The following ZFPM1 variants were observed in gnomAD, a reference collection of about 807,000 sequenced individuals.
ZFPM1 encodes zinc finger protein ZFPM1.
In ZFPM1, 28 loss-of-function variants were observed where a neutral mutation model predicts 46.3. The ratio of observed to expected loss-of-function variants is 0.60; its 90% CI spans 0.45 to 0.83. The LOEUF is 0.83. Among genes scored for constraint, ZFPM1 ranks in the 40% least tolerant of loss-of-function variants. The pLI is 0.00. For missense variants in ZFPM1, 1,878 were observed against 1,432.4 expected (o/e 1.31, Z -5.02); for synonymous variants, 957 against 675.9 (o/e 1.42, Z -6.45).
intron 1 of ZFPM1, among the ~76,000 whole-genome samples, chr16:88,475,870 G>A (rs554291714): frequency 2.0e-5 from 3 of 152,276 alleles, no homozygotes; most frequent in Non-Finnish European, 2.9e-5. Context: ...CCCCCTGGAC[G>A]GCTGCTCAGC....
intron 4 of ZFPM1, among the ~76,000 whole-genome samples, chr16:88,519,575 A>ATGG (rs1911656466): frequency 8.4e-6 from 1 of 118,556 alleles, no homozygotes; most frequent in Admixed American, 8.1e-5. Flanking sequence ...TGGATGGATG[A>ATGG]ATGGGAGGGT....
intron 1 of ZFPM1, among the ~76,000 whole-genome samples, chr16:88,477,737 T>C (rs551758260): frequency 2.6e-5 from 4 of 152,382 alleles, no homozygotes; most frequent in South Asian, 2.1e-4. Flanking sequence ...AGAATGCTTA[T>C]GGGGATGCAG....
At position 88,455,852 on chromosome 16, in the gene ZFPM1, C is replaced by T. The variant is rs930389773; in HGVS notation, c.40+2174C>T. Among the ~76,000 whole-genome samples the T allele has an allele frequency of 2.0e-5, 3 of 152,230 alleles. No homozygotes were observed. In the South Asian group the frequency reaches 6.2e-4, roughly 32 times the overall value. On this transcript the variant is annotated intron_variant, in intron 1 of 9. Coordinates refer to ENST00000319555, the MANE Select transcript of ZFPM1 (RefSeq NM_153813.3). ...CGGAGGCGATAGGCCGGGCTGCCGA[C>T]GGGGAGCGCGGGGCCGGGGCAGCTC...
chr16:88,485,691 CA>C (rs1909182229), intron 1 of ZFPM1, among the ~76,000 whole-genome samples: 1 of 152,198 alleles, frequency 6.6e-6, no homozygotes, highest in East Asian at 1.9e-4. Flanking sequence ...CCTCCCACCT[CA>C]GCCTCCCAAA....
intron 3 of ZFPM1, among the ~76,000 whole-genome samples, chr16:88,491,135 C>A (rs1909551659): frequency 6.7e-6 from 1 of 149,858 alleles, no homozygotes; most frequent in Non-Finnish European, 1.5e-5. Context: ...GTGCCTCAGG[C>A]CTTCGCTGCG....
In ZFPM1 at chr16:88,533,340, G is replaced by T. The variant is rs1224252723; in HGVS notation, c.1382G>T (p.Ser461Ile). The part of the protein sequence containing the change: ...GSSEPPAAPR[S>I]IKVEAVEEPE... ...AGCGAGCCCCCGGCGGCCCCCAGGA[G>T]CATCAAGGTGGAGGCGGTGGAGGAG... The change falls in exon 10 of 10, where the codon AGC becomes ATC. Residue 461 changes from serine (S) to isoleucine (I), a missense_variant. Physicochemically the swap from Ser to Ile is moderately radical, Grantham distance 142. Transcript: ENST00000319555. The T allele has an allele frequency of 6.5e-7, 1 of 1,532,208 alleles. No individual in the cohort carries two copies. The highest frequency in any genetic ancestry group is 8.7e-7 in the Non-Finnish European group (1 of 1,143,282). 94.9% of individuals were successfully genotyped at this position (1,532,208 alleles called of 1,614,324 possible). A position where few individuals can be genotyped will look rare whatever the true frequency, so the allele number is the denominator to read the frequency against.
chr16:88,502,254 C>T (rs1211541723), intron 3 of ZFPM1, among the ~76,000 whole-genome samples: 1 of 152,084 alleles, frequency 6.6e-6, no homozygotes, highest in Non-Finnish European at 1.5e-5. Flanking sequence ...ATATCCTGCC[C>T]GAAAGGGCCG....
At chr16:88,463,528 C>G (rs1208485856) in intron 1 of ZFPM1, among the ~76,000 whole-genome samples, 1 of 152,230 alleles carries the variant, frequency 6.6e-6, no homozygotes, top group Non-Finnish European at 1.5e-5. Context: ...GCCACCGTGC[C>G]CAGGATTTGA....
chr16:88,501,791 A>G (rs528968344), intron 3 of ZFPM1, among the ~76,000 whole-genome samples: 57 of 144,472 alleles, frequency 3.9e-4, no homozygotes, highest in African/African-American at 1.4e-3. Context: ...GCATGGGTGC[A>G]GGGCCCTGCC....
rs1041103619 is a variant in ZFPM1 at position 88,480,923 on chromosome 16, C to T, written c.41-5016C>T. ...CAAAGCCGGGAGGGGCCACCTTAAT[C>T]GTCGGTGTGGGGACTTGGAAGGGAG... On this transcript the variant is annotated intron_variant, in intron 1 of 9. Coordinates refer to ENST00000319555, the MANE Select transcript of ZFPM1 (RefSeq NM_153813.3). This position sits in a 1 kb window ranked among gnomAD's most constrained non-coding sequence, Gnocchi z 4.9. Among the ~76,000 whole-genome samples, 1 of 152,216 alleles carries T rather than the reference C, an allele frequency of 6.6e-6. No homozygotes were observed. Among genetic ancestry groups the T allele is most frequent in the African/African-American group, 2.4e-5 (1 of 41,456 alleles).
At position 88,534,662 on chromosome 16, in the gene ZFPM1, C is replaced by T. The variant is rs1364278233; in HGVS notation, c.2704C>T (p.Pro902Ser). 2.0e-6 allele frequency: 2 copies of T among 1,001,194 alleles called. No homozygotes were observed. Among genetic ancestry groups the T allele is most frequent in the Non-Finnish European group, 2.4e-6 (2 of 842,406 alleles). 62.0% of individuals were successfully genotyped at this position (1,001,194 alleles called of 1,614,324 possible). Reference sequence around the variant, plus strand: ...GACGCCGGCCGACCGCGGCCCCTCGCCCGCTCCCGCCCCCGCCGCCTCCCC... The same window carrying T: ...GACGCCGGCCGACCGCGGCCCCTCGTCCGCTCCCGCCCCCGCCGCCTCCCC... ...ARTPADRGPS[P>S]APAPAASPQP... Residue 902 changes from proline to serine, a missense_variant, in exon 10 of 10, where the codon CCC becomes TCC. By Grantham distance (74) the Pro-to-Ser change is moderately conservative. Transcript: ENST00000319555.
In ZFPM1 at chr16:88,471,774, C is replaced by G. The variant is rs538294836; in HGVS notation, c.41-14165C>G. On this transcript the variant is annotated intron_variant, in intron 1 of 9. Transcript: ENST00000319555. The surrounding 1 kb of genome is among the most constrained non-coding windows in gnomAD (Gnocchi z 4.1). Reference sequence around the variant, plus strand: ...TCACACTGGGATCTGCCACAGACACCTGAGCCTGTGACTAAGACTAAGGCT... The same window carrying G: ...TCACACTGGGATCTGCCACAGACACGTGAGCCTGTGACTAAGACTAAGGCT... 6.6e-6 allele frequency among the ~76,000 whole-genome samples: 1 copy of G among 152,370 alleles called. No homozygotes were observed. Among genetic ancestry groups the G allele is most frequent in the East Asian group, 1.9e-4 (1 of 5,184 alleles).
chr16:88,468,506 C>G (rs1022384027), intron 1 of ZFPM1, among the ~76,000 whole-genome samples: 2 of 152,094 alleles, frequency 1.3e-5, no homozygotes, highest in African/African-American at 2.4e-5. Context: ...CTTGGCTGTA[C>G]GACCTTGGAC....
intron 4 of ZFPM1, chr16:88,516,763 C>A: frequency 2.5e-6 from 1 of 394,044 alleles, no homozygotes; most frequent in Non-Finnish European, 4.5e-6. Context: ...CTGCCCGGAT[C>A]GCCCCAGCTG....
intron 4 of ZFPM1, among the ~76,000 whole-genome samples, chr16:88,518,534 G>C (rs1911516540): frequency 6.7e-6 from 1 of 149,854 alleles, no homozygotes; most frequent in Non-Finnish European, 1.5e-5. Context: ...TGGATAGATG[G>C]ATGAGTGGAT....
chr16:88,489,418 G>T (rs75818869), intron 3 of ZFPM1: 83 of 441,890 alleles, frequency 1.9e-4, no homozygotes, highest in African/African-American at 1.6e-3. Context: ...GGTCTGGGCC[G>T]CGGAAGAGGA....
At chr16:88,460,679 G>T (rs576003803) in intron 1 of ZFPM1, among the ~76,000 whole-genome samples, 1 of 152,338 alleles carries the variant, frequency 6.6e-6, no homozygotes, top group East Asian at 1.9e-4. Flanking sequence ...TTTAGAGTGG[G>T]AATAACAGGG....
chr16:88,485,521 C>T (rs1909173676), intron 1 of ZFPM1, among the ~76,000 whole-genome samples: 2 of 151,664 alleles, frequency 1.3e-5, no homozygotes, highest in African/African-American at 4.9e-5. Context: ...CTCACTGCAG[C>T]CTCCAACTCC....
chr16:88,468,049 C>A (rs1265299249), intron 1 of ZFPM1, among the ~76,000 whole-genome samples: 1 of 140,558 alleles, frequency 7.1e-6, no homozygotes, highest in Non-Finnish European at 1.6e-5. Flanking sequence ...GCCCCTCACG[C>A]CCCCGCGAGC....
Sources: gnomAD v4.1 joint callset for allele counts (sites outside exome capture counted in the v4.1 genomes callset) on GRCh38, gnomAD v4.1.1 for gene constraint, Gnocchi (gnomAD v3.1) non-coding constraint, MANE v1.5 for transcripts, NCBI Gene and HGNC (gene_info 2026-07-23, HGNC 2026-07-21) for gene names.